The following YIF1B variants were observed in gnomAD, a reference collection of about 807,000 sequenced individuals.
YIF1B encodes the protein protein YIF1B.
Under a neutral mutation model 34.6 loss-of-function variants are expected in YIF1B, and 24 were observed. The ratio of observed to expected loss-of-function variants is 0.69; its 90% CI spans 0.50 to 0.98. The LOEUF (loss-of-function observed/expected upper bound fraction) is 0.98. Ranked by LOEUF, YIF1B falls within the 50% of genes least tolerant of loss-of-function variation. The pLI is 0.00. For synonymous variants in YIF1B, 186 were observed against 184.8 expected, an observed-to-expected ratio of 1.01 and a Z score of -0.05; for missense variants, 368 against 429.4, an observed-to-expected ratio of 0.86 and a Z score of 1.26.
intron 3 of YIF1B, 65 bp downstream of exon 3, chr19:38,309,159 C>T: frequency 6.3e-7 from 1 of 1,592,072 alleles, no homozygotes; most frequent in Non-Finnish European, 8.6e-7. Flanking sequence ...CCACCATGCA[C>T]CTGCCCCCAC....
In YIF1B at chr19:38,309,578, T is replaced by G. The variant is rs1412279221; in HGVS notation, c.124A>C (p.Thr42Pro). The G allele has an allele frequency of 6.3e-7, 1 of 1,598,812 alleles. No individual in the cohort carries two copies. The highest frequency in any genetic ancestry group is 1.1e-5 in the South Asian group (1 of 89,054). Residue 42 changes from threonine (T) to proline (P), a missense_variant, in exon 2 of 8, where the codon ACA becomes CCA. By Grantham distance (38) the Thr-to-Pro change is conservative. Around this residue, in one of 3 missense-constraint regions of YIF1B, gnomAD observed 153 missense variants for 156.7 expected, o/e 0.98. Transcript: ENST00000339413. Reference sequence around the variant, plus strand: ...TAGCCCCGGCTCTGGGCTGAACTTGTGTCATCGAAAAGCTGGTGGGGGTCG... The same window carrying G: ...TAGCCCCGGCTCTGGGCTGAACTTGGGTCATCGAAAAGCTGGTGGGGGTCG... ...MADPHQLFDD[T>P]SSAQSRGYGA...
chr19:38,305,824 T>C (rs1968996981), intron 7 of YIF1B, among the ~76,000 whole-genome samples: 1 of 152,186 alleles, frequency 6.6e-6, no homozygotes, highest in African/African-American at 2.4e-5. Context: ...GTGGGAGACG[T>C]GGCCCAGGAT....
chr19:38,308,136 AAGGAAAAGAACAG>A (rs1969143778), intron 5 of YIF1B, among the ~76,000 whole-genome samples: 1 of 152,200 alleles, frequency 6.6e-6, no homozygotes, highest in Non-Finnish European at 1.5e-5. Context: ...CAGTGCCATA[AAGGAAAAGAACAG>A]GGCGATGTGA....
At chr19:38,315,613 A>G in intron 1 of YIF1B, 1 of 1,532,258 alleles carries the variant, frequency 6.5e-7, no homozygotes, top group Non-Finnish European at 8.7e-7. Flanking sequence ...CTAACTGCAA[A>G]TGAATGAAAG....
At chr19:38,321,204 A>T (rs1186114334), upstream of YIF1B, among the ~76,000 whole-genome samples, 2 of 152,062 alleles carry the variant, frequency 1.3e-5, no homozygotes, top group Non-Finnish European at 2.9e-5. Flanking sequence ...CTCCCAACAG[A>T]GATTCCTCAG....
At position 38,307,357 on chromosome 19, in the gene YIF1B, C is replaced by A. The variant is rs544550950; in HGVS notation, c.789+71G>T. ...CTGGTCTGAACCCCACACCTGACAT[C>A]CTCTGCTTGGATGCCTGGATGCCTC... On this transcript the variant is annotated intron_variant, in intron 7 of 7. Coordinates refer to ENST00000339413, the MANE Select transcript of YIF1B (RefSeq NM_001039672.3). 122 of 1,520,140 alleles carry A rather than the reference C, an allele frequency of 8.0e-5. 2 individuals carry two copies. Among genetic ancestry groups the A allele is most frequent in the South Asian group, 7.3e-4 (63 of 86,754 alleles). The allele number at this position is 1,520,140 out of a possible 1,614,324, so 94.2% of individuals were successfully genotyped here. A position where few individuals can be genotyped will look rare whatever the true frequency, so the allele number is the denominator to read the frequency against.
rs140328864 is a variant in YIF1B at position 38,309,722 on chromosome 19, G to A, written c.59-79C>T. 102 of 1,506,418 alleles carry A rather than the reference G, an allele frequency of 6.8e-5. No homozygotes were observed. In the African/African-American group the frequency reaches 1.1e-3, roughly 16 times the overall value. 93.3% of individuals were successfully genotyped at this position (1,506,418 alleles called of 1,614,324 possible). The stretch of plus-strand genomic sequence containing the variant: ...CCTGGCGAACCTCATTCATCCCACA[G>A]CTCTGCCTCCTGCTGCAGAGGAGGG... On this transcript the variant is annotated intron_variant, in intron 1 of 7. Coordinates refer to ENST00000339413, the MANE Select transcript of YIF1B (RefSeq NM_001039672.3).
rs1287734272 is a variant in YIF1B at position 38,309,420 on chromosome 19, C to A, written c.282G>T (p.Glu94Asp). Residue 94 changes from glutamate (E) to aspartate (D), a missense_variant, in exon 2 of 8, where the codon GAG becomes GAT. Glu to Asp is a conservative substitution (Grantham distance 45, BLOSUM62 2). Coordinates refer to ENST00000339413, the MANE Select transcript of YIF1B (RefSeq NM_001039672.3). Reference sequence around the variant, plus strand: ...GCCCACTCACGTTCTTATCCACCAGCTCCTTGCCCTGCGCGGCCAGGCTGC... The same window carrying A: ...GCCCACTCACGTTCTTATCCACCAGATCCTTGCCCTGCGCGGCCAGGCTGC... Reference protein sequence around the residue: ...YGSSLAAQGKELVDKNIDRFI... With the variant: ...YGSSLAAQGKDLVDKNIDRFI... 1 of 1,613,216 alleles carries A rather than the reference C, an allele frequency of 6.2e-7. No individual in the cohort carries two copies.
Position 38,308,996 on chromosome 19 carries a change from G to A in YIF1B, c.464C>T (p.Pro155Leu), listed in dbSNP as rs762510941. The A allele has an allele frequency of 3.5e-5, 56 of 1,589,762 alleles. No homozygotes were observed. The highest frequency in any genetic ancestry group is 4.4e-5 in the Non-Finnish European group (51 of 1,166,378). Residue 155 changes from proline to leucine, a missense_variant, in exon 4 of 8, where the codon CCG (proline) becomes CTG (leucine). Physicochemically the swap from Pro to Leu is moderately conservative, Grantham distance 98. This residue lies in a region of YIF1B where 208 missense variants were observed against 247.8 expected (regional missense o/e 0.84). Transcript: ENST00000339413. ...PVAPRFDVNA[P>L]DLYIPAMAFI... ...GGTGAAACCTGGAATGTAGAGGTCC[G>A]GGGCATTGACGTCAAAGCGGGGGGC... is the stretch of plus-strand genomic sequence containing the variant.
rs368264297 is a variant in YIF1B, at chr19:38,307,599, G to A, written c.693C>T (p.Val231=). The change falls in exon 6 of 8, where the codon GTC becomes GTT. Residue 231 remains valine (V), a splice_region_variant and synonymous_variant. Transcript: ENST00000339413. ...GCGTGAAGGGCGGGGGTACTCACCC[G>A]ACATATTTGTAGCCCAAGAAGGCCA... is the stretch of plus-strand genomic sequence containing the variant. ...DLVAFLGYKY[V]GMIGGVLMGL... 135 of 1,613,674 alleles carry A rather than the reference G, an allele frequency of 8.4e-5. No individual in the cohort carries two copies. The highest frequency in any genetic ancestry group is 1.1e-4 in the African/African-American group (8 of 74,880).
chr19:38,310,636 T>C (rs1006022128), intron 1 of YIF1B, among the ~76,000 whole-genome samples: 1 of 152,116 alleles, frequency 6.6e-6, no homozygotes, highest in Admixed American at 6.6e-5. Flanking sequence ...ACCAAGCCTT[T>C]TACACAAGGC....
chr19:38,314,864 C>T (rs1054846841), intron 1 of YIF1B, among the ~76,000 whole-genome samples: 21 of 151,982 alleles, frequency 1.4e-4, no homozygotes, highest in Admixed American at 4.6e-4. Flanking sequence ...TCGCCCACCT[C>T]GACCTCCCAA....
At chr19:38,315,518 C>G in intron 1 of YIF1B, 1 of 1,402,812 alleles carries the variant, frequency 7.1e-7, no homozygotes, top group Non-Finnish European at 9.2e-7. Context: ...TCCCGGGGGG[C>G]CACGAAGCTG....
chr19:38,315,660 A>G, intron 1 of YIF1B, 200 bp downstream of exon 1: 2 of 1,582,462 alleles, frequency 1.3e-6, no homozygotes, highest in South Asian at 1.1e-5. Context: ...ATCCAGTCCC[A>G]AGTTGTTTTC....
chr19:38,309,176 G>GC (rs777473178), intron 3 of YIF1B, 48 bp downstream of exon 3: 11 of 1,603,878 alleles, frequency 6.9e-6, no homozygotes, highest in South Asian at 3.3e-5. Context: ...CCACCCCTGA[G>GC]CCCCCCACAG....
chr19:38,320,406 C>A, upstream of YIF1B: 1 of 929,568 alleles, frequency 1.1e-6, no homozygotes, highest in Non-Finnish European at 1.6e-6. Context: ...CGAAAAGACC[C>A]CAGTGAGGAC....
At position 38,309,426 on chromosome 19, in the gene YIF1B, G is replaced by A; in HGVS notation, c.276C>T (p.Gly92=). 6.2e-7 allele frequency: 1 copy of A among 1,613,464 alleles called. No individual in the cohort carries two copies. Among genetic ancestry groups the A allele is most frequent in the Non-Finnish European group, 8.5e-7 (1 of 1,179,578 alleles). ...MAYGSSLAAQ[G]KELVDKNIDR... Reference sequence around the variant, plus strand: ...TCACGTTCTTATCCACCAGCTCCTTGCCCTGCGCGGCCAGGCTGCTCCCAT... The same window carrying A: ...TCACGTTCTTATCCACCAGCTCCTTACCCTGCGCGGCCAGGCTGCTCCCAT... The change falls in exon 2 of 8, where the codon GGC becomes GGT. Residue 92 remains glycine (G), a synonymous_variant. Transcript: ENST00000339413.
upstream of YIF1B, among the ~76,000 whole-genome samples, chr19:38,317,850 G>A (rs1969598082): frequency 6.6e-6 from 1 of 151,562 alleles, no homozygotes; most frequent in Non-Finnish European, 1.5e-5. Context: ...AAAGCACTGA[G>A]ATTACAGGCA....
At position 38,304,476 on chromosome 19, in the gene YIF1B, G is replaced by A. The variant is rs1478666290; in HGVS notation, c.*876C>T. 1 of 1,555,450 alleles carries A rather than the reference G, an allele frequency of 6.4e-7. No homozygotes were observed. The highest frequency in any genetic ancestry group is 8.7e-7 in the Non-Finnish European group (1 of 1,149,902). The stretch of plus-strand genomic sequence containing the variant: ...TCAGGGCCGGTCGGAGGCAGGGGCA[G>A]GTCCGGGTCCAAAGGTAAGTCGCCT... On this transcript the variant is annotated 3_prime_UTR_variant, in exon 8 of 8. Coordinates refer to ENST00000339413, the MANE Select transcript of YIF1B (RefSeq NM_001039672.3).
Sources: gnomAD v4.1 joint callset for allele counts (sites outside exome capture counted in the v4.1 genomes callset) on GRCh38, gnomAD v4.1.1 for gene constraint, gnomAD v4.1.1 regional missense constraint, MANE v1.5 for transcripts, NCBI Gene and HGNC (gene_info 2026-07-23, HGNC 2026-07-21) for gene names.